Variants in TGFBRAP1 observed in about 807,000 individuals in gnomAD.
TGFBRAP1 encodes the protein transforming growth factor beta receptor associated protein 1.
Under a neutral mutation model 83.2 loss-of-function variants are expected in TGFBRAP1, and 20 were observed. That is an observed-to-expected ratio of 0.24 (90% CI 0.17 to 0.35). The LOEUF is 0.35. Ranked by LOEUF, TGFBRAP1 falls within the 10% of genes least tolerant of loss-of-function variation. The pLI is 1.00. For missense variants in TGFBRAP1, 950 were observed against 1,099.4 expected (o/e 0.86, Z 1.92); for synonymous variants, 415 against 459.8 (o/e 0.90, Z 1.25).
At chr2:105,275,291 C>G (rs1024931758) in intron 8 of TGFBRAP1, among the ~76,000 whole-genome samples, 1 of 152,234 alleles carries the variant, frequency 6.6e-6, no homozygotes, top group Non-Finnish European at 1.5e-5. Context: ...AAAATGCAAG[C>G]TGGCTATGTC....
chr2:105,262,413 T>C (rs1676810736), downstream of TGFBRAP1, among the ~76,000 whole-genome samples: 1 of 152,194 alleles, frequency 6.6e-6, no homozygotes, highest in Non-Finnish European at 1.5e-5. Context: ...TGCTCCCCCT[T>C]GGCCTCCCAC....
At chr2:105,287,206 G>C (rs2104350935) in intron 4 of TGFBRAP1, among the ~76,000 whole-genome samples, 1 of 152,150 alleles carries the variant, frequency 6.6e-6, no homozygotes, top group South Asian at 2.1e-4. Flanking sequence ...GGTGTAGGGT[G>C]GGGAGGTGGG....
At chr2:105,253,607 AC>A in the TGFBRAP1 span, among the ~76,000 whole-genome samples, 1 of 151,720 alleles carries the variant, frequency 6.6e-6, no homozygotes, top group African/African-American at 2.4e-5. Context: ...AAATTTTAAA[AC>A]GTTTTTTGTA....
rs776991261 is a variant in TGFBRAP1, at chr2:105,272,921, C to T, written c.1906G>A (p.Glu636Lys). The T allele has an allele frequency of 1.2e-6, 2 of 1,610,904 alleles. No individual in the cohort carries two copies. Among genetic ancestry groups the T allele is most frequent in the Non-Finnish European group, 8.5e-7 (1 of 1,179,976 alleles). The change falls in exon 10 of 12, where the codon GAG becomes AAG. Residue 636 changes from glutamate to lysine, a missense_variant. Transcript: ENST00000393359. ...SASGKGAEATETQAKLRRLLQ... is the reference protein window; with the variant it reads ...SASGKGAEATKTQAKLRRLLQ... ...AGCCGCCGCAGCTTGGCCTGCGTCT[C>T]GGTGGCCTCTGCACCCTTGCCACTG...
chr2:105,250,445 C>G, the TGFBRAP1 span, among the ~76,000 whole-genome samples: 1 of 152,154 alleles, frequency 6.6e-6, no homozygotes, highest in Non-Finnish European at 1.5e-5. Context: ...TTTTCGGAAG[C>G]ATTTTTTAAA....
intron 4 of TGFBRAP1, among the ~76,000 whole-genome samples, chr2:105,295,190 A>T (rs1678042410): frequency 6.6e-6 from 1 of 152,220 alleles, no homozygotes; most frequent in Non-Finnish European, 1.5e-5. Context: ...CACAGCCCAC[A>T]ACCATAAATC....
intron 4 of TGFBRAP1, among the ~76,000 whole-genome samples, chr2:105,291,564 T>A (rs529144321): frequency 6.6e-6 from 1 of 152,286 alleles, no homozygotes; most frequent in South Asian, 2.1e-4. Flanking sequence ...ATGTGGTAGG[T>A]ACATACAATG....
In TGFBRAP1 at chr2:105,306,960, G is replaced by A. The variant is rs565881051; in HGVS notation, c.688+654C>T. ...AGGTAATGAGCAATGCAGCCATTAG[G>A]TGGGATTCACATCCAACACCGGCTG... is the stretch of plus-strand genomic sequence containing the variant. On this transcript the variant is annotated intron_variant, in intron 2 of 11. Transcript: ENST00000393359. Among the ~76,000 whole-genome samples, 18 of 152,268 alleles carry A rather than the reference G, an allele frequency of 1.2e-4. No homozygotes were observed. The South Asian group carries it at 3.7e-3, about 32-fold the overall frequency.
rs1350538085 is a variant in TGFBRAP1, at chr2:105,264,884, T to G, written c.*2499A>C. 6.6e-6 allele frequency: 1 copy of G among 152,266 alleles called. No individual in the cohort carries two copies. The highest frequency in any genetic ancestry group is 1.5e-5 in the Non-Finnish European group (1 of 68,050). 9.4% of individuals were successfully genotyped at this position (152,266 alleles called of 1,614,324 possible). Reference sequence around the variant, plus strand: ...TGAACCTAATGAGGGGAAAAAGGTCTGATGGATCTAATTGCTCTATTCGAT... The same window carrying G: ...TGAACCTAATGAGGGGAAAAAGGTCGGATGGATCTAATTGCTCTATTCGAT... On this transcript the variant is annotated 3_prime_UTR_variant, in exon 12 of 12. Coordinates refer to ENST00000393359, the MANE Select transcript of TGFBRAP1 (RefSeq NM_004257.6).
chr2:105,267,376 A>G lies in TGFBRAP1; in HGVS notation c.*7T>C. 1 of 1,614,070 alleles carries G rather than the reference A, an allele frequency of 6.2e-7. No homozygotes were observed. Among genetic ancestry groups the G allele is most frequent in the South Asian group, 1.1e-5 (1 of 91,068 alleles). On this transcript the variant is annotated 3_prime_UTR_variant, in exon 12 of 12. Transcript: ENST00000393359. The stretch of plus-strand genomic sequence containing the variant: ...GGAGTTCCCCTCGCACCCTTGGGCC[A>G]AGCTTTTCAAGTCCGAGTGCCAGGA...
At chr2:105,316,891 C>G (rs967758408) in intron 1 of TGFBRAP1, among the ~76,000 whole-genome samples, 4 of 151,672 alleles carry the variant, frequency 2.6e-5, no homozygotes, top group Non-Finnish European at 4.4e-5. Flanking sequence ...GGAGACTTGA[C>G]TCAACATATA....
chr2:105,317,636 A>G (rs1678926767), intron 1 of TGFBRAP1, among the ~76,000 whole-genome samples: 1 of 152,214 alleles, frequency 6.6e-6, no homozygotes, highest in African/African-American at 2.4e-5. Context: ...AGGAAAAATG[A>G]TAAATTCTCC....
the TGFBRAP1 span, among the ~76,000 whole-genome samples, chr2:105,255,333 C>T: frequency 1.3e-5 from 2 of 151,612 alleles, no homozygotes; most frequent in Non-Finnish European, 2.9e-5. Flanking sequence ...CTTTTTTTTT[C>T]AGTGACAGGG....
At chr2:105,274,254 C>T (rs1264197936) in intron 8 of TGFBRAP1, among the ~76,000 whole-genome samples, 1 of 152,172 alleles carries the variant, frequency 6.6e-6, no homozygotes, top group Non-Finnish European at 1.5e-5. Context: ...CAAGTGGAGG[C>T]ACTGGTCCAA....
chr2:105,312,624 A>C (rs1678730300), intron 1 of TGFBRAP1, among the ~76,000 whole-genome samples: 1 of 152,226 alleles, frequency 6.6e-6, no homozygotes, highest in Non-Finnish European at 1.5e-5. Flanking sequence ...TAAGGGTCAA[A>C]ATAAAAATAT....
chr2:105,267,196 T>A lies in TGFBRAP1; in HGVS notation c.*187A>T. ...CATGTACATTCATAGAGCCTGGTCATTCCATGTACATTCATAGAGCCTGGT... is the reference window on the plus strand; with the variant it reads ...CATGTACATTCATAGAGCCTGGTCAATCCATGTACATTCATAGAGCCTGGT... On this transcript the variant is annotated 3_prime_UTR_variant, in exon 12 of 12. Transcript: ENST00000393359. 5.8e-6 allele frequency: 1 copy of A among 172,268 alleles called. No individual in the cohort carries two copies. The highest frequency in any genetic ancestry group is 1.4e-3 in the Middle Eastern group (1 of 740). 10.7% of individuals were successfully genotyped at this position (172,268 alleles called of 1,614,324 possible).
chr2:105,276,589 C>T (rs562327437), intron 7 of TGFBRAP1, among the ~76,000 whole-genome samples: 28 of 152,170 alleles, frequency 1.8e-4, no homozygotes, highest in African/African-American at 4.6e-4. Flanking sequence ...AATTCTACCA[C>T]GTATGGAGAT....
chr2:105,274,127 T>C (rs1677254574), intron 8 of TGFBRAP1, among the ~76,000 whole-genome samples: 2 of 152,248 alleles, frequency 1.3e-5, no homozygotes, highest in Admixed American at 6.5e-5. Flanking sequence ...TTCTGTACAG[T>C]AAACTCACTT....
At chr2:105,296,070 T>C (rs1180799228) in intron 4 of TGFBRAP1, among the ~76,000 whole-genome samples, 2 of 152,142 alleles carry the variant, frequency 1.3e-5, no homozygotes, top group Non-Finnish European at 2.9e-5. Flanking sequence ...AAGAGGAAAG[T>C]TGATTAGAAA....
Sources: gnomAD v4.1 joint callset for allele counts (sites outside exome capture counted in the v4.1 genomes callset) on GRCh38, gnomAD v4.1.1 for gene constraint, MANE v1.5 for transcripts, NCBI Gene and HGNC (gene_info 2026-07-23, HGNC 2026-07-21) for gene names.